Variants in ENPP1 observed in about 807,000 individuals in gnomAD.
ENPP1 encodes the protein ectonucleotide pyrophosphatase/phosphodiesterase 1, also known as ectonucleotide pyrophosphatase/phosphodiesterase family member 1.
Under a neutral mutation model 122.8 loss-of-function variants are expected in ENPP1, and 73 were observed. The observed-to-expected ratio is 0.59, with a 90% confidence interval of 0.49 to 0.72. ENPP1 has a LOEUF of 0.72. Ranked by LOEUF, ENPP1 falls within the 30% of genes least tolerant of loss-of-function variation. The pLI is 0.00. For missense variants in ENPP1, 978 were observed against 1,128.1 expected, an observed-to-expected ratio of 0.87 and a Z score of 1.91; for synonymous variants, 367 against 391.6, an observed-to-expected ratio of 0.94 and a Z score of 0.74.
intron 18 of ENPP1, among the ~76,000 whole-genome samples, chr6:131,878,199 A>C (rs77104303): frequency 1.1e-4 from 17 of 151,896 alleles, no homozygotes; most frequent in Admixed American, 1.1e-3. Flanking sequence ...GTTCAAGACC[A>C]GACTGGGCAA....
intron 11 of ENPP1, 54 bp downstream of exon 11, chr6:131,864,992 C>T: frequency 8.7e-7 from 1 of 1,146,604 alleles, no homozygotes; most frequent in East Asian, 2.3e-5. Flanking sequence ...TCAAACTGAA[C>T]CTCGCTTTGA....
Position 131,890,508 on chromosome 6 carries a change from C to G in ENPP1, c.2775C>G (p.Asp925Glu). The G allele has an allele frequency of 6.2e-7, 1 of 1,612,722 alleles. No homozygotes were observed. Among genetic ancestry groups the G allele is most frequent in the Non-Finnish European group, 8.5e-7 (1 of 1,178,726 alleles). The change falls in exon 25 of 25, where the codon GAC becomes GAG. Residue 925 changes from aspartate to glutamate, a missense_variant. Transcript: ENST00000647893. Reference sequence around the variant, plus strand: ...ATTTGCCAACCTTTAGCCAAGAAGACTGATATGTTTTTTATCCCCAAACAC... The same window carrying G: ...ATTTGCCAACCTTTAGCCAAGAAGAGTGATATGTTTTTTATCCCCAAACAC... ...KTHLPTFSQED is the reference protein window; with the variant it reads ...KTHLPTFSQEE
At chr6:131,869,641 C>A in intron 13 of ENPP1, 152 bp downstream of exon 13, 1 of 686,260 alleles carries the variant, frequency 1.5e-6, no homozygotes, top group Non-Finnish European at 2.6e-6. Context: ...CCAGCCTGGC[C>A]AACATGGTGA....
chr6:131,847,222 G>A (rs7768555), intron 1 of ENPP1, among the ~76,000 whole-genome samples: 10,491 of 152,120 alleles, frequency 0.069, 573 homozygotes, highest in African/African-American at 0.15. Context: ...TTAATGGATT[G>A]ATACATAGGA....
chr6:131,864,716 T>C, intron 10 of ENPP1, 145 bp downstream of exon 10: 1 of 808,324 alleles, frequency 1.2e-6, no homozygotes, highest in Non-Finnish European at 2.1e-6. Flanking sequence ...ATACCACATT[T>C]TGAAGAATTT....
Position 131,874,343 on chromosome 6 carries a change from TA to T in ENPP1, c.1635+9del. ...ATGTATTTTCAAATATGCAAGTGAG[TA>T]AACCTATTATACTTAATTGGATTAA... On this transcript the variant is annotated splice_region_variant and intron_variant, in intron 16 of 24. Transcript: ENST00000647893. 6.7e-7 allele frequency: 1 copy of T among 1,498,330 alleles called. No homozygotes were observed. The highest frequency in any genetic ancestry group is 9.3e-7 in the Non-Finnish European group (1 of 1,076,488). The allele number at this position is 1,498,330 out of a possible 1,614,324, so 92.8% of individuals were successfully genotyped here. A position where few individuals can be genotyped will look rare whatever the true frequency, so the allele number is the denominator to read the frequency against.
At chr6:131,876,447 G>C (rs558642611) in intron 17 of ENPP1, among the ~76,000 whole-genome samples, 4 of 152,282 alleles carry the variant, frequency 2.6e-5, no homozygotes, top group Admixed American at 1.3e-4. Context: ...TTTAGTGGGA[G>C]TCTATATAGT....
intron 20 of ENPP1, 89 bp downstream of exon 20, chr6:131,880,123 G>A (rs1381250482): frequency 7.5e-7 from 1 of 1,330,978 alleles, no homozygotes; most frequent in East Asian, 2.3e-5. Flanking sequence ...TGTTCACCTT[G>A]GCTTTATACT....
intron 1 of ENPP1, among the ~76,000 whole-genome samples, chr6:131,812,771 G>A (rs1248706975): frequency 1.3e-5 from 2 of 152,136 alleles, no homozygotes; most frequent in African/African-American, 4.8e-5. Flanking sequence ...TACATGAAAG[G>A]TATACATTGA....
intron 13 of ENPP1, among the ~76,000 whole-genome samples, chr6:131,869,841 G>A (rs901005542): frequency 7.7e-6 from 1 of 129,804 alleles, no homozygotes; most frequent in Non-Finnish European, 1.6e-5. Flanking sequence ...GGGCAACTGA[G>A]TGAGACTTGG....
chr6:131,826,682 C>A, intron 1 of ENPP1: 1 of 669,982 alleles, frequency 1.5e-6, no homozygotes, highest in South Asian at 1.8e-5. Context: ...TTGCTTCCCT[C>A]ATTATCAAGG....
At chr6:131,848,149 G>A (rs914816367) in intron 2 of ENPP1, among the ~76,000 whole-genome samples, 2 of 152,134 alleles carry the variant, frequency 1.3e-5, no homozygotes, top group African/African-American at 4.8e-5. Flanking sequence ...ACCCTAAGGA[G>A]TTAGTTGCTG....
intron 6 of ENPP1, among the ~76,000 whole-genome samples, chr6:131,856,077 G>C (rs919535967): frequency 6.6e-6 from 1 of 152,036 alleles, no homozygotes; most frequent in Admixed American, 6.6e-5. Flanking sequence ...AATTTTGGGA[G>C]AGTTTTAAAA....
chr6:131,884,518 C>T (rs934643027), intron 22 of ENPP1, among the ~76,000 whole-genome samples: 1 of 152,176 alleles, frequency 6.6e-6, no homozygotes, highest in African/African-American at 2.4e-5. Flanking sequence ...TGCTTGCAGT[C>T]CCAGCCCTTT....
intron 15 of ENPP1, 91 bp from the exon 16 acceptor site, chr6:131,874,177 A>G (rs1782198549): frequency 1.1e-6 from 1 of 875,258 alleles, no homozygotes; most frequent in Non-Finnish European, 1.9e-6. Flanking sequence ...AAATAGTTAC[A>G]TACTTTTTAA....
intron 1 of ENPP1, among the ~76,000 whole-genome samples, chr6:131,842,991 T>G (rs1460547804): frequency 6.6e-6 from 1 of 152,204 alleles, no homozygotes; most frequent in East Asian, 1.9e-4. Flanking sequence ...AAAACTTTGC[T>G]TTTACTTTCT....
At chr6:131,835,941 G>C (rs1781667753) in intron 1 of ENPP1, among the ~76,000 whole-genome samples, 1 of 152,084 alleles carries the variant, frequency 6.6e-6, no homozygotes, top group Non-Finnish European at 1.5e-5. Context: ...TTTAAAGAAA[G>C]GTTAAAGGCC....
intron 1 of ENPP1, among the ~76,000 whole-genome samples, chr6:131,816,592 G>A (rs1168177635): frequency 6.6e-6 from 1 of 152,142 alleles, no homozygotes; most frequent in African/African-American, 2.4e-5. Flanking sequence ...TGACCAGAAT[G>A]TTCAGTTAAA....
At chr6:131,851,806 A>G (rs552525912) in intron 4 of ENPP1, among the ~76,000 whole-genome samples, 50 of 152,210 alleles carry the variant, frequency 3.3e-4, no homozygotes, top group African/African-American at 1.0e-3. Context: ...CTGACTCTAT[A>G]TGAGAGAGAA....
Sources: allele counts gnomAD v4.1 joint callset (sites outside exome capture counted in the v4.1 genomes callset), GRCh38; gene constraint gnomAD v4.1.1; transcripts MANE v1.5; gene names NCBI Gene and HGNC (gene_info 2026-07-23, HGNC 2026-07-21).